The following DNAH17 variants were observed in gnomAD, a reference collection of about 807,000 sequenced individuals.
The protein encoded by DNAH17 is dynein axonemal heavy chain 17.
In DNAH17, 376 loss-of-function variants were observed where a neutral mutation model predicts 485.6. The observed-to-expected ratio is 0.77, with a 90% CI of 0.71 to 0.84. DNAH17 has a LOEUF of 0.84. DNAH17 is among the 40% of genes least tolerant of loss of function. The probability of loss-of-function intolerance (pLI) is 0.00; values close to 1 mark genes in which losing one functional copy is unlikely to be tolerated. For synonymous variants in DNAH17, 3,031 were observed against 2,405.9 expected, an observed-to-expected ratio of 1.26 and a Z score of -7.60; for missense variants, 6,370 against 5,839.3, an observed-to-expected ratio of 1.09 and a Z score of -2.96.
intron 60 of DNAH17, 135 bp downstream of exon 60, chr17:78,459,649 G>C: frequency 1.1e-6 from 1 of 929,906 alleles, no homozygotes; most frequent in Non-Finnish European, 1.6e-6. Flanking sequence ...TTGGGGTGCT[G>C]TATGGGGAAG....
At position 78,476,230 on chromosome 17, in the gene DNAH17, G is replaced by A. The variant is rs138683439; in HGVS notation, c.8154+342C>T. On this transcript the variant is annotated intron_variant, in intron 52 of 80. Transcript: ENST00000389840. ...CCCACAGCCACGTGCCGGAGTTATCGCGTGGAACCCTCGGACCCACAGCCA... is the reference window on the plus strand; with the variant it reads ...CCCACAGCCACGTGCCGGAGTTATCACGTGGAACCCTCGGACCCACAGCCA... 4.1e-3 allele frequency among the ~76,000 whole-genome samples: 530 copies of A among 128,794 alleles called. 5 individuals are homozygous for A. Among genetic ancestry groups the A allele is most frequent in the African/African-American group, 0.012 (483 of 39,630 alleles). 84.5% of individuals were successfully genotyped at this position (128,794 alleles called of 152,430 possible). A position where few individuals can be genotyped will look rare whatever the true frequency, so the allele number is the denominator to read the frequency against.
chr17:78,475,326 G>C lies in DNAH17; in HGVS notation c.8463C>G (p.Asp2821Glu), dbSNP rs200383975. Reference sequence around the variant, plus strand: ...CCTTCTTGAGGGTGATCTGAAACACGTCAAGCCCGCTGATGTACGCTGCCA... The same window carrying C: ...CCTTCTTGAGGGTGATCTGAAACACCTCAAGCCCGCTGATGTACGCTGCCA... ...SRLAAYISGL[D>E]VFQITLKKGY... Residue 2821 changes from aspartate to glutamate, a missense_variant, in exon 54 of 81, where the codon GAC (aspartate) becomes GAG (glutamate). Physicochemically the swap from Asp to Glu is conservative, Grantham distance 45. Transcript: ENST00000389840. 8 of 1,613,850 alleles carry C rather than the reference G, an allele frequency of 5.0e-6. No individual in the cohort carries two copies. In the African/African-American group the frequency reaches 1.1e-4, roughly 22 times the overall value.
At chr17:78,496,175 CTTTTAT>C in intron 37 of DNAH17, 143 bp from the exon 38 acceptor site, 1 of 985,438 alleles carries the variant, frequency 1.0e-6, no homozygotes. Flanking sequence ...TAAATTAAGC[CTTTTAT>C]TTTTGAGAAA....
intron 16 of DNAH17, among the ~76,000 whole-genome samples, chr17:78,550,741 A>AAC (rs200746879): frequency 6.6e-6 from 1 of 152,184 alleles, no homozygotes; most frequent in Admixed American, 6.5e-5. Flanking sequence ...CGCCCTAGCA[A>AAC]ACACACACAG....
chr17:78,480,633 C>T, intron 49 of DNAH17, 51 bp downstream of exon 49: 1 of 1,496,980 alleles, frequency 6.7e-7, no homozygotes. Flanking sequence ...TTGCCAGAAG[C>T]AAGCCTCAGA....
intron 16 of DNAH17, among the ~76,000 whole-genome samples, chr17:78,550,167 G>C (rs2091867007): frequency 6.6e-6 from 1 of 152,264 alleles, no homozygotes; most frequent in South Asian, 2.1e-4. Context: ...TAGCTGGCGA[G>C]ACAACGCCAT....
chr17:78,428,142 G>A (rs1359277486), intron 77 of DNAH17, among the ~76,000 whole-genome samples: 8 of 152,154 alleles, frequency 5.3e-5, no homozygotes, highest in East Asian at 1.9e-4. Context: ...CTGCACATCC[G>A]GCTGCCCGGT....
intron 19 of DNAH17, among the ~76,000 whole-genome samples, chr17:78,535,500 G>T (rs1281218215): frequency 2.5e-4 from 38 of 152,006 alleles, no homozygotes; most frequent in Admixed American, 2.4e-3. Context: ...ATGCAAATAC[G>T]CACACGGGCA....
intron 19 of DNAH17, chr17:78,533,064 T>G (rs748745984): frequency 1.7e-5 from 4 of 230,046 alleles, no homozygotes; most frequent in Non-Finnish European, 2.6e-5. Flanking sequence ...GCCCAAGCTC[T>G]CACCACGGGA....
chr17:78,429,209 T>C lies in DNAH17; in HGVS notation c.12317A>G (p.Tyr4106Cys). ...DDWDRRLCRT[Y>C]LAEYIRTEML... ...CTCCGTCCGGATGTATTCAGCCAGG[T>C]AGGTCCTGCACAGCCGACGGTCCCA... Residue 4106 changes from tyrosine to cysteine, a missense_variant, in exon 76 of 81, where the codon TAC (tyrosine) becomes TGC (cysteine). Tyr to Cys is a radical substitution (Grantham distance 194). Coordinates refer to ENST00000389840, the MANE Select transcript of DNAH17 (RefSeq NM_173628.4). 6.2e-7 allele frequency: 1 copy of C among 1,613,776 alleles called. No individual in the cohort carries two copies. Among genetic ancestry groups the C allele is most frequent in the Non-Finnish European group, 8.5e-7 (1 of 1,179,870 alleles).
At position 78,507,349 on chromosome 17, in the gene DNAH17, C is replaced by T; in HGVS notation, c.4605G>A (p.Val1535=). ...QEFKALMEDA[V]KTPNVVEATS... ...TGGCTTCCACCACGTTGGGTGTTTT[C>T]ACTGCATCTTCCATCAAGGCCTGGG... The change falls in exon 29 of 81, where the codon GTG becomes GTA. Residue 1535 remains valine, a synonymous_variant. Transcript: ENST00000389840. 6.2e-7 allele frequency: 1 copy of T among 1,614,006 alleles called. No homozygotes were observed.
Position 78,486,100 on chromosome 17 carries a change from A to G in DNAH17, c.7135T>C (p.Trp2379Arg). ...VDYRVEFSKW[W>R]INEFKTIKFP... ...TTGATAGTCTTGAATTCGTTGATCC[A>G]CCATTTACTGAACTCCACTCGATAA... The change falls in exon 46 of 81, where the codon TGG becomes CGG. Residue 2379 changes from tryptophan to arginine, a missense_variant. Physicochemically the swap from Trp to Arg is moderately radical, Grantham distance 101. Transcript: ENST00000389840. The G allele has an allele frequency of 6.2e-7, 1 of 1,613,936 alleles. No individual in the cohort carries two copies. Among genetic ancestry groups the G allele is most frequent in the East Asian group, 2.2e-5 (1 of 44,880 alleles).
At position 78,552,789 on chromosome 17, in the gene DNAH17, T is replaced by G; in HGVS notation, c.2195A>C (p.Lys732Thr). Residue 732 changes from lysine (K) to threonine (T), a missense_variant, in exon 15 of 81, where the codon AAG (lysine) becomes ACG (threonine). Lys to Thr is a moderately conservative substitution (Grantham distance 78). Coordinates refer to ENST00000389840, the MANE Select transcript of DNAH17 (RefSeq NM_173628.4). ...GWYNEIKTIV[K>T]AVEFLLIKSE... ...CTTTATTAGTAGAAATTCTACTGCC[T>G]TCACTATAGTCTTTATCTGAAAAAC... 6.2e-7 allele frequency: 1 copy of G among 1,610,288 alleles called. No homozygotes were observed.
At chr17:78,488,446 C>A (rs2089708668) in intron 44 of DNAH17, among the ~76,000 whole-genome samples, 1 of 152,198 alleles carries the variant, frequency 6.6e-6, no homozygotes, top group Non-Finnish European at 1.5e-5. Context: ...CCAGTTCCTG[C>A]CTTGGCCCAC....
At position 78,429,282 on chromosome 17, in the gene DNAH17, G is replaced by A. The variant is rs376892671; in HGVS notation, c.12244C>T (p.Arg4082Cys). The change falls in exon 76 of 81, where the codon CGC (arginine) becomes TGC (cysteine). Residue 4082 changes from arginine to cysteine, a missense_variant. Physicochemically the swap from Arg to Cys is radical, Grantham distance 180. Transcript: ENST00000389840. The part of the protein sequence containing the change: ...ANPKVPWDDL[R>C]YLFGEIMYGG... Reference sequence around the variant, plus strand: ...TACATGATTTCACCAAAAAGGTAGCGGAGATCGTCCCAGGGCACCTGAGGA... The same window carrying A: ...TACATGATTTCACCAAAAAGGTAGCAGAGATCGTCCCAGGGCACCTGAGGA... 2.6e-5 allele frequency: 42 copies of A among 1,613,696 alleles called. No individual in the cohort carries two copies. Among genetic ancestry groups the A allele is most frequent in the Middle Eastern group, 1.6e-4 (1 of 6,082 alleles).
At chr17:78,522,369 A>T (rs866359156) in intron 25 of DNAH17, 10 of 277,646 alleles carry the variant, frequency 3.6e-5, no homozygotes, top group African/African-American at 2.1e-4. Context: ...TTAAAATGCT[A>T]GAGGAAGAGG....
intron 6 of DNAH17, 25 bp from the exon 7 acceptor site, chr17:78,570,397 A>G: frequency 6.2e-7 from 1 of 1,601,246 alleles, no homozygotes; most frequent in Admixed American, 1.7e-5. Flanking sequence ...GCCCAGGCAC[A>G]CTGGAGGGGA....
At position 78,460,157 on chromosome 17, in the gene DNAH17, T is replaced by C. The variant is rs376635401; in HGVS notation, c.9435+5A>G. Reference sequence around the variant, plus strand: ...GGGGTCCCCTTTCTTTCCCTCCCCCTTTACCTTATTCAGAGTGTCCAGAGC... The same window carrying C: ...GGGGTCCCCTTTCTTTCCCTCCCCCCTTACCTTATTCAGAGTGTCCAGAGC... On this transcript the variant is annotated splice_donor_5th_base_variant and intron_variant, in intron 59 of 80. Transcript: ENST00000389840. The C allele has an allele frequency of 2.5e-6, 4 of 1,602,016 alleles. No homozygotes were observed. In the South Asian group the frequency reaches 4.5e-5, roughly 18 times the overall value.
chr17:78,459,814 T>C lies in DNAH17; in HGVS notation c.9623A>G (p.His3208Arg), dbSNP rs372050957. ...GGCCTTCAGGCAGGCCTCAGGGATG[T>C]GCTCCTTGTCGAACTTCTTCAGGGA... ...LDSLKKFDKE[H>R]IPEACLKAFK... The change falls in exon 60 of 81, where the codon CAC becomes CGC. Residue 3208 changes from histidine to arginine, a missense_variant. His to Arg is a conservative substitution (Grantham distance 29). Coordinates refer to ENST00000389840, the MANE Select transcript of DNAH17 (RefSeq NM_173628.4). 6.2e-7 allele frequency: 1 copy of C among 1,613,934 alleles called. No individual in the cohort carries two copies. The highest frequency in any genetic ancestry group is 1.3e-5 in the African/African-American group (1 of 74,946).
Sources: allele counts gnomAD v4.1 joint callset (sites outside exome capture counted in the v4.1 genomes callset), GRCh38; gene constraint gnomAD v4.1.1; transcripts MANE v1.5; gene names NCBI Gene and HGNC (gene_info 2026-07-23, HGNC 2026-07-21).